CIAO3: variants seen among roughly 807,000 people sequenced by gnomAD.
The protein encoded by CIAO3 is cytosolic iron-sulfur assembly component 3, also known as LET1 like/JFP15.
CIAO3 carries 45 observed loss-of-function variants against 51.5 expected under a neutral mutation model. The observed-to-expected ratio is 0.87, with a 90% CI of 0.69 to 1.12. CIAO3 has a LOEUF of 1.12. CIAO3 is among the 50% of genes most tolerant of loss of function. The pLI, the probability that CIAO3 is intolerant of heterozygous loss-of-function variation, is 0.00. For missense variants in CIAO3, 668 were observed against 632.5 expected (o/e 1.06, Z -0.60); for synonymous variants, 314 against 269.3 (o/e 1.17, Z -1.63).
chr16:734,438 G>A (rs533626242), intron 5 of CIAO3, 91 bp from the exon 6 acceptor site: 92 of 931,574 alleles, frequency 9.9e-5, no homozygotes, highest in Middle Eastern at 2.3e-4. Flanking sequence ...GGGCGGGCCC[G>A]CTCATACAGG....
rs774842000 is a variant in CIAO3, at chr16:737,121, C to T, written c.306+65G>A. 1.3e-5 allele frequency: 21 copies of T among 1,600,174 alleles called. No homozygotes were observed. Among genetic ancestry groups the T allele is most frequent in the Non-Finnish European group, 1.4e-5 (16 of 1,169,346 alleles). The stretch of plus-strand genomic sequence containing the variant: ...ACCACACGAGCTGCCCTTGGCAAAA[C>T]GCGTTGTCGGCTGCTGGGATGGATT... On this transcript the variant is annotated intron_variant, in intron 3 of 10. Transcript: ENST00000251588. The surrounding 1 kb of genome is among the most constrained non-coding windows in gnomAD (Gnocchi z 5.3).
At chr16:733,828 G>A (rs2041309630) in intron 6 of CIAO3, 4 of 360,568 alleles carry the variant, frequency 1.1e-5, no homozygotes, top group Non-Finnish European at 2.1e-5. Flanking sequence ...TCGAGGCCCA[G>A]GCACCACCGG....
chr16:731,059 G>A, intron 9 of CIAO3, 59 bp from the exon 10 acceptor site: 1 of 1,595,316 alleles, frequency 6.3e-7, no homozygotes, highest in Non-Finnish European at 8.5e-7. Context: ...CTGCCTGCCT[G>A]GAAGGGGAGG....
At chr16:740,212 C>T in intron 1 of CIAO3, 1 of 817,942 alleles carries the variant, frequency 1.2e-6, no homozygotes, top group Non-Finnish European at 1.8e-6. Context: ...TCATCCCTGC[C>T]GGAAGCGCTC....
intron 7 of CIAO3, chr16:732,598 G>A: frequency 1.5e-6 from 1 of 653,914 alleles, no homozygotes; most frequent in Non-Finnish European, 2.8e-6. Flanking sequence ...AGGCCACTCT[G>A]CTCACCCAGT....
Position 738,173 on chromosome 16 carries a change from T to G in CIAO3, c.163-844A>C, listed in dbSNP as rs930901297. On this transcript the variant is annotated intron_variant, in intron 2 of 10. Coordinates refer to ENST00000251588, the MANE Select transcript of CIAO3 (RefSeq NM_022493.3). Reference sequence around the variant, plus strand: ...GGCTGACAGGCTCCTCCAAACCAACTGCCACTGCACCGACAGCCACGCCTA... The same window carrying G: ...GGCTGACAGGCTCCTCCAAACCAACGGCCACTGCACCGACAGCCACGCCTA... 9.0e-6 allele frequency: 9 copies of G among 998,866 alleles called. No homozygotes were observed. The African/African-American group carries it at 1.6e-4, about 17-fold the overall frequency. 61.9% of individuals were successfully genotyped at this position (998,866 alleles called of 1,614,324 possible). A position where few individuals can be genotyped will look rare whatever the true frequency, so the allele number is the denominator to read the frequency against.
intron 1 of CIAO3, chr16:740,092 G>A: frequency 7.5e-7 from 1 of 1,331,478 alleles, no homozygotes; most frequent in South Asian, 1.2e-5. Context: ...TCGAGAGGAC[G>A]TGTGCTTGGA....
chr16:735,322 C>G (rs775872330), intron 4 of CIAO3: 1 of 161,986 alleles, frequency 6.2e-6, no homozygotes, highest in Non-Finnish European at 1.3e-5. Context: ...TCCTGGAACA[C>G]GCCAGCCAGC....
Position 732,324 on chromosome 16 carries a change from C to T in CIAO3, c.873G>A (p.Leu291=), listed in dbSNP as rs2041291892. 1 of 1,612,788 alleles carries T rather than the reference C, an allele frequency of 6.2e-7. No individual in the cohort carries two copies. Among genetic ancestry groups the T allele is most frequent in the Non-Finnish European group, 8.5e-7 (1 of 1,179,672 alleles). Residue 291 remains leucine (L), a synonymous_variant, in exon 8 of 11, where the codon CTG becomes CTA. Coordinates refer to ENST00000251588, the MANE Select transcript of CIAO3 (RefSeq NM_022493.3). ...ACAGGCTGTCCAGAGGGGCTGGTTC[C>T]AGGTCGGGGAGGGAGACGCCCTCTT... ...LEEEGVSLPD[L]EPAPLDSLCS... is the part of the protein sequence containing the mutation.
At position 740,927 on chromosome 16, in the gene CIAO3, G is replaced by A. The variant is rs1248974306; in HGVS notation, c.59C>T (p.Pro20Leu). The A allele has an allele frequency of 1.3e-6, 2 of 1,528,762 alleles. No homozygotes were observed. The highest frequency in any genetic ancestry group is 2.5e-5 in the East Asian group (1 of 39,408). 94.7% of individuals were successfully genotyped at this position (1,528,762 alleles called of 1,614,324 possible). A position where few individuals can be genotyped will look rare whatever the true frequency, so the allele number is the denominator to read the frequency against. ...CCGCCCAGGCCGGCCCACCTGAGAC[G>A]GCCCGATGAAGTCATCCAGGTCCGT... ...QLTDLDDFIG[P>L]SQECIKPVKV... Residue 20 changes from proline (P) to leucine (L), a missense_variant, in exon 1 of 11, where the codon CCG (proline) becomes CTG (leucine). Pro to Leu is a moderately conservative substitution (Grantham distance 98). Transcript: ENST00000251588.
At chr16:731,527 T>C in intron 9 of CIAO3, 38 bp downstream of exon 9, 1 of 1,518,690 alleles carries the variant, frequency 6.6e-7, no homozygotes, top group Non-Finnish European at 8.9e-7. Context: ...GGGGGCTGTG[T>C]GGCCGCTCTG....
At position 737,748 on chromosome 16, in the gene CIAO3, C is replaced by T; in HGVS notation, c.163-419G>A. ...GACAAAGGAGGAAAGGACGAAGGCA[C>T]AGGAAGAGGAGAGCAGAGGGAGGAA... On this transcript the variant is annotated intron_variant, in intron 2 of 10. Transcript: ENST00000251588. This position sits in a 1 kb window ranked among gnomAD's most constrained non-coding sequence, Gnocchi z 5.3. The T allele has an allele frequency of 2.4e-6, 3 of 1,269,612 alleles. No homozygotes were observed. Among genetic ancestry groups the T allele is most frequent in the South Asian group, 1.3e-5 (1 of 78,090 alleles). The allele number at this position is 1,269,612 out of a possible 1,614,324, so 78.6% of individuals were successfully genotyped here.
rs2041356070 is a variant in CIAO3, at chr16:737,975, G to A, written c.163-646C>T. On this transcript the variant is annotated intron_variant, in intron 2 of 10. Transcript: ENST00000251588. This position sits in a 1 kb window ranked among gnomAD's most constrained non-coding sequence, Gnocchi z 5.3. ...TTTGAGCAGGGCCAGGGGTGCTGCA[G>A]TGGCCCGGAATACAGCCAGAGGAGT... 6 of 1,165,408 alleles carry A rather than the reference G, an allele frequency of 5.1e-6. No homozygotes were observed. The highest frequency in any genetic ancestry group is 6.4e-6 in the Non-Finnish European group (6 of 932,324). 72.2% of individuals were successfully genotyped at this position (1,165,408 alleles called of 1,614,324 possible).
At chr16:740,810 C>G in intron 1 of CIAO3, 110 bp downstream of exon 1, 1 of 1,193,394 alleles carries the variant, frequency 8.4e-7, no homozygotes, top group Admixed American at 2.1e-5. Context: ...ACCGGGCTCC[C>G]GGGATTCGGA....
intron 1 of CIAO3, 146 bp downstream of exon 1, chr16:740,774 G>A (rs1295170234): frequency 3.9e-6 from 3 of 765,698 alleles, no homozygotes; most frequent in African/African-American, 3.7e-5. Context: ...CCCGCGCCCG[G>A]GTCGATAGAG....
chr16:736,492 G>T, intron 3 of CIAO3, 94 bp from the exon 4 acceptor site: 1 of 1,511,810 alleles, frequency 6.6e-7, no homozygotes, highest in Non-Finnish European at 9.0e-7. Flanking sequence ...CAGCTGTGGA[G>T]AGGGCAGGCC....
At chr16:738,933 C>G (rs549488250) in intron 2 of CIAO3, among the ~76,000 whole-genome samples, 1 of 150,404 alleles carries the variant, frequency 6.6e-6, no homozygotes, top group African/African-American at 2.4e-5. Context: ...CGTGAGCCAC[C>G]GCGCCCAGCC....
intron 2 of CIAO3, among the ~76,000 whole-genome samples, chr16:739,084 T>C (rs1289652998): frequency 6.6e-6 from 1 of 150,840 alleles, no homozygotes; most frequent in Non-Finnish European, 1.5e-5. Context: ...GATCACGAGG[T>C]CAGGAGATTG....
chr16:740,691 G>A, intron 1 of CIAO3: 2 of 551,808 alleles, frequency 3.6e-6, no homozygotes, highest in Non-Finnish European at 6.4e-6. Flanking sequence ...GGGCACAGGA[G>A]CGGGTTGGGG....
Sources: gnomAD v4.1 joint callset for allele counts (sites outside exome capture counted in the v4.1 genomes callset) on GRCh38, gnomAD v4.1.1 for gene constraint, Gnocchi (gnomAD v3.1) non-coding constraint, MANE v1.5 for transcripts, NCBI Gene and HGNC (gene_info 2026-07-23, HGNC 2026-07-21) for gene names.